The following SDK1 variants were observed in gnomAD, a reference collection of about 807,000 sequenced individuals.
SDK1 encodes protein sidekick-1.
A neutral mutation model predicts 245.5 loss-of-function variants in SDK1; 157 were observed. That is an observed-to-expected ratio of 0.64 (90% CI 0.56 to 0.73). The LOEUF is 0.73. SDK1 is among the 30% of genes least tolerant of loss of function. The pLI is 0.00. For synonymous variants in SDK1, 1,647 were observed against 1,278.5 expected (o/e 1.29, Z -6.15); for missense variants, 3,583 against 3,002.3 (o/e 1.19, Z -4.52).
intron 1 of SDK1, among the ~76,000 whole-genome samples, chr7:3,329,707 G>C (rs1780021675): frequency 1.3e-5 from 2 of 152,078 alleles, no homozygotes. Context: ...TACTACAGTT[G>C]GTTCTCTGCA....
chr7:3,625,605 C>T (rs76680408), intron 2 of SDK1, among the ~76,000 whole-genome samples: 1 of 152,192 alleles, frequency 6.6e-6, no homozygotes, highest in Non-Finnish European at 1.5e-5. Context: ...TTTGCAACGT[C>T]TATGGAGTCT....
At chr7:3,443,258 G>A (rs1780249565) in intron 1 of SDK1, among the ~76,000 whole-genome samples, 1 of 152,104 alleles carries the variant, frequency 6.6e-6, no homozygotes, top group Non-Finnish European at 1.5e-5. Context: ...TTAGCTACAA[G>A]AACTATGTCA....
At chr7:4,252,971 A>C (rs1401539023) in intron 44 of SDK1, among the ~76,000 whole-genome samples, 1 of 152,040 alleles carries the variant, frequency 6.6e-6, no homozygotes, top group Non-Finnish European at 1.5e-5. Context: ...ATTTCTGTAA[A>C]GGCAGTGGTA....
intron 35 of SDK1, among the ~76,000 whole-genome samples, chr7:4,195,921 C>T (rs1401018485): frequency 2.0e-5 from 3 of 152,176 alleles, no homozygotes; most frequent in Admixed American, 2.0e-4. Flanking sequence ...ACAGAAACCC[C>T]AGCCTCAGCC....
At chr7:3,996,975 A>G (rs1279398348) in intron 14 of SDK1, among the ~76,000 whole-genome samples, 1 of 152,216 alleles carries the variant, frequency 6.6e-6, no homozygotes, top group Admixed American at 6.5e-5. Flanking sequence ...AACAAAATGC[A>G]GGGAGCTTAA....
intron 1 of SDK1, among the ~76,000 whole-genome samples, chr7:3,428,244 G>T (rs1459779919): frequency 1.3e-5 from 2 of 152,076 alleles, no homozygotes; most frequent in Non-Finnish European, 2.9e-5. Flanking sequence ...AATAGCTAGT[G>T]GTGAAGTTTC....
intron 2 of SDK1, among the ~76,000 whole-genome samples, chr7:3,631,950 A>G (rs1336725739): frequency 2.6e-5 from 4 of 152,116 alleles, no homozygotes; most frequent in Non-Finnish European, 2.9e-5. Context: ...TCTTTTTTCC[A>G]TTATGCGTTG....
At chr7:3,837,905 A>G (rs573271190) in intron 5 of SDK1, among the ~76,000 whole-genome samples, 2 of 152,296 alleles carry the variant, frequency 1.3e-5, no homozygotes, top group East Asian at 3.9e-4. Flanking sequence ...ATGACCCATC[A>G]TTGAGCTTTA....
At chr7:3,669,229 A>T (rs533114444) in intron 4 of SDK1, among the ~76,000 whole-genome samples, 1 of 152,254 alleles carries the variant, frequency 6.6e-6, no homozygotes, top group Admixed American at 6.5e-5. Context: ...TTATAAGAGC[A>T]TGGAAAGCAG....
At chr7:3,454,329 T>C (rs1780607972) in intron 1 of SDK1, among the ~76,000 whole-genome samples, 2 of 152,080 alleles carry the variant, frequency 1.3e-5, no homozygotes, top group African/African-American at 4.8e-5. Flanking sequence ...TTTTTCAGTT[T>C]TCCCATTTAA....
At chr7:4,242,880 C>T (rs10250015) in intron 43 of SDK1, among the ~76,000 whole-genome samples, 96,063 of 152,120 alleles carry the variant, frequency 0.63, 32,348 homozygotes, top group African/African-American at 0.87. Flanking sequence ...ACTCGGGTGG[C>T]GCCGAGGCAC....
intron 13 of SDK1, among the ~76,000 whole-genome samples, chr7:3,986,734 G>A (rs963184743): frequency 1.4e-4 from 22 of 152,092 alleles, no homozygotes; most frequent in African/African-American, 3.1e-4. Flanking sequence ...GGTGGCAGGC[G>A]CCTATAATCC....
chr7:4,012,980 C>T (rs1298567913), intron 16 of SDK1, among the ~76,000 whole-genome samples: 1 of 152,152 alleles, frequency 6.6e-6, no homozygotes, highest in Non-Finnish European at 1.5e-5. Flanking sequence ...TAATTATTAG[C>T]CAGTTGTCAC....
intron 4 of SDK1, among the ~76,000 whole-genome samples, chr7:3,673,867 G>A (rs932915575): frequency 6.6e-6 from 1 of 152,200 alleles, no homozygotes; most frequent in Admixed American, 6.5e-5. Context: ...CTTGAACATT[G>A]AGATTATTAT....
chr7:4,178,697 G>A, intron 35 of SDK1, 111 bp downstream of exon 35: 1 of 742,400 alleles, frequency 1.3e-6, no homozygotes, highest in Non-Finnish European at 2.3e-6. Context: ...CTTTCTCCTT[G>A]AACACATTGC....
intron 14 of SDK1, among the ~76,000 whole-genome samples, chr7:3,988,738 C>G (rs10255603): frequency 0.17 from 26,001 of 152,108 alleles, 3,412 homozygotes; most frequent in African/African-American, 0.37. Context: ...CACAAAGAAG[C>G]TCTCCAGCAC....
chr7:3,648,806 C>T (rs79076297), intron 4 of SDK1, among the ~76,000 whole-genome samples: 10 of 152,224 alleles, frequency 6.6e-5, no homozygotes, highest in African/African-American at 2.2e-4. Context: ...GTAAAACAGA[C>T]GAGTAGATAC....
At chr7:3,644,868 A>G (rs896002387) in intron 4 of SDK1, among the ~76,000 whole-genome samples, 1 of 150,988 alleles carries the variant, frequency 6.6e-6, no homozygotes, top group Non-Finnish European at 1.5e-5. Flanking sequence ...AGAAGTTTCC[A>G]GTGCTGACCA....
At chr7:4,077,307 G>T in intron 21 of SDK1, 118 bp downstream of exon 21, 1 of 948,246 alleles carries the variant, frequency 1.1e-6, no homozygotes. Flanking sequence ...AGGAGTAGTG[G>T]CCTCCTGCCA....
Sources: allele counts gnomAD v4.1 joint callset (sites outside exome capture counted in the v4.1 genomes callset), GRCh38; gene constraint gnomAD v4.1.1; transcripts MANE v1.5; gene names NCBI Gene and HGNC (gene_info 2026-07-23, HGNC 2026-07-21).